The following SEC24C variants were observed in gnomAD, a reference collection of about 807,000 sequenced individuals.
SEC24C encodes the protein SEC24 homolog C, COPII component, also known as protein transport protein Sec24C.
A neutral mutation model predicts 117.0 loss-of-function variants in SEC24C; 22 were observed. That is an observed-to-expected ratio of 0.19 (90% CI 0.13 to 0.27). SEC24C has a LOEUF of 0.27. Ranked by LOEUF, SEC24C falls within the 10% of genes least tolerant of loss-of-function variation. The pLI is 1.00. For missense variants in SEC24C, 1,155 were observed against 1,375.1 expected, an observed-to-expected ratio of 0.84 and a Z score of 2.53; for synonymous variants, 506 against 529.4, an observed-to-expected ratio of 0.96 and a Z score of 0.61.
intron 3 of SEC24C, among the ~76,000 whole-genome samples, chr10:73,758,322 AG>A (rs2082743508): frequency 6.6e-6 from 1 of 152,146 alleles, no homozygotes; most frequent in Admixed American, 6.5e-5. Flanking sequence ...CAAAAGTTTG[AG>A]GGGGCTGTGA....
At chr10:73,745,395 C>CTT (rs1270958561) in intron 1 of SEC24C, among the ~76,000 whole-genome samples, 2 of 151,456 alleles carry the variant, frequency 1.3e-5, no homozygotes, top group Admixed American at 6.6e-5. Context: ...TAGTCTTCTG[C>CTT]TTGAGGGATG....
chr10:73,749,062 A>G (rs560059701), intron 2 of SEC24C, among the ~76,000 whole-genome samples: 4 of 152,184 alleles, frequency 2.6e-5, no homozygotes, highest in Admixed American at 2.0e-4. Context: ...GTTTTTAGAT[A>G]AGGTACTGTG....
At chr10:73,765,964 A>G (rs776115491) in intron 10 of SEC24C, 49 bp downstream of exon 10, 6 of 1,587,398 alleles carry the variant, frequency 3.8e-6, no homozygotes, top group Non-Finnish European at 4.3e-6. Context: ...ATAATGAGAC[A>G]GCTGAGAATG....
intron 5 of SEC24C, 97 bp downstream of exon 5, chr10:73,760,483 T>G: frequency 7.0e-7 from 1 of 1,420,208 alleles, no homozygotes; most frequent in Non-Finnish European, 9.4e-7. Context: ...TATTACTTGC[T>G]AAGTGGTGAA....
At chr10:73,760,558 G>A (rs1455403614) in intron 5 of SEC24C, among the ~76,000 whole-genome samples, 155 bp from the exon 6 acceptor site, 1 of 152,084 alleles carries the variant, frequency 6.6e-6, no homozygotes, top group East Asian at 1.9e-4. Context: ...ATTTTTTCTT[G>A]TCGTTCTGAT....
In SEC24C at chr10:73,760,071, T is replaced by C; in HGVS notation, c.535T>C (p.Tyr179His). 6.2e-7 allele frequency: 1 copy of C among 1,612,268 alleles called. No individual in the cohort carries two copies. The highest frequency in any genetic ancestry group is 8.5e-7 in the Non-Finnish European group (1 of 1,178,632). ...ASGSFPNSGL[Y>H]GSYPQGQAPP... Reference sequence around the variant, plus strand: ...AGGAAGTTTCCCTAACTCTGGTCTGTATGGCTCCTATCCTCAGGGCCAGGC... The same window carrying C: ...AGGAAGTTTCCCTAACTCTGGTCTGCATGGCTCCTATCCTCAGGGCCAGGC... The change falls in exon 5 of 23, where the codon TAT (tyrosine) becomes CAT (histidine). Residue 179 changes from tyrosine to histidine, a missense_variant. Around this residue, in one of 2 missense-constraint regions of SEC24C, gnomAD observed 396 missense variants for 382.8 expected, o/e 1.03. Coordinates refer to ENST00000345254, the MANE Select transcript of SEC24C (RefSeq NM_198597.3).
At chr10:73,749,508 T>C (rs1268759522) in intron 2 of SEC24C, among the ~76,000 whole-genome samples, 1 of 152,118 alleles carries the variant, frequency 6.6e-6, no homozygotes, top group East Asian at 1.9e-4. Context: ...CTAGGTTCAG[T>C]GTTTGGCTTT....
chr10:73,770,025 A>C lies in SEC24C; in HGVS notation c.2862+10A>C. 6.2e-7 allele frequency: 1 copy of C among 1,613,476 alleles called. No homozygotes were observed. The highest frequency in any genetic ancestry group is 8.5e-7 in the Non-Finnish European group (1 of 1,179,562). ...TCGGCTCTTACCTTTGGTGCGATTG[A>C]GGGTTGGAGTATGAGATCTTGCACG... On this transcript the variant is annotated intron_variant, in intron 20 of 22. Coordinates refer to ENST00000345254, the MANE Select transcript of SEC24C (RefSeq NM_198597.3).
At chr10:73,747,947 C>T (rs908668790) in intron 2 of SEC24C, among the ~76,000 whole-genome samples, 4 of 151,948 alleles carry the variant, frequency 2.6e-5, no homozygotes, top group African/African-American at 4.8e-5. Context: ...GCGTGAGCCA[C>T]CACACCTGGC....
rs769883677 is a variant in SEC24C, at chr10:73,770,011, C to T, written c.2858C>T (p.Pro953Leu). Residue 953 changes from proline (P) to leucine (L), a missense_variant, in exon 20 of 23, where the codon CCT becomes CTT. This residue lies in a region of SEC24C where 759 missense variants were observed against 992.3 expected (regional missense o/e 0.76). Transcript: ENST00000345254. ...GTCTTCTTCTACCCTCGGCTCTTACCTTTGGTGCGATTGAGGGTTGGAGTA... is the reference window on the plus strand; with the variant it reads ...GTCTTCTTCTACCCTCGGCTCTTACTTTTGGTGCGATTGAGGGTTGGAGTA... ...TNVFFYPRLLPLTKSPVESTT... is the reference protein window; with the variant it reads ...TNVFFYPRLLLLTKSPVESTT... 6.8e-5 allele frequency: 109 copies of T among 1,613,876 alleles called. No individual in the cohort carries two copies. The Middle Eastern group carries it at 2.3e-3, about 34-fold the overall frequency.
In SEC24C at chr10:73,764,590, C is replaced by G. The variant is rs562673427; in HGVS notation, c.1227+607C>G. The stretch of plus-strand genomic sequence containing the variant: ...GGAGAAGACAGCTGAATGTAGGAAC[C>G]TCTCGTATCATGGTCATCTCCAGAT... On this transcript the variant is annotated intron_variant, in intron 8 of 22. Transcript: ENST00000345254. Among the ~76,000 whole-genome samples the G allele has an allele frequency of 3.3e-5, 5 of 152,106 alleles. No homozygotes were observed. The South Asian group carries it at 1.0e-3, about 32-fold the overall frequency.
Position 73,751,180 on chromosome 10 carries a change from C to T in SEC24C, c.245C>T (p.Ala82Val), listed in dbSNP as rs2082637502. The T allele has an allele frequency of 1.2e-6, 2 of 1,614,194 alleles. No homozygotes were observed. The highest frequency in any genetic ancestry group is 1.7e-6 in the Non-Finnish European group (2 of 1,180,012). Residue 82 changes from alanine to valine, a missense_variant, in exon 3 of 23, where the codon GCA becomes GTA. This residue lies in a region of SEC24C where 396 missense variants were observed against 382.8 expected (regional missense o/e 1.03). Transcript: ENST00000345254. The stretch of plus-strand genomic sequence containing the variant: ...GCACAGGCTCCTTGTGGCCAGGCTG[C>T]ATATGGCCAGTTTGGCCAAGGAGAT... Reference protein sequence around the residue: ...STAQAPCGQAAYGQFGQGDVQ... With the variant: ...STAQAPCGQAVYGQFGQGDVQ...
rs1285962507 is a variant in SEC24C, at chr10:73,766,484, T to C, written c.1742T>C (p.Val581Ala). ...GTGTCTGATGTGGCTGACATGTTTG[T>C]GCCACTGCTGGATGGCTTCCTGGTC... The part of the protein sequence containing the change: ...MVVSDVADMF[V>A]PLLDGFLVNV... The change falls in exon 12 of 23, where the codon GTG becomes GCG. Residue 581 changes from valine (V) to alanine (A), a missense_variant. Val to Ala is a moderately conservative substitution (Grantham distance 64, BLOSUM62 0). Around this residue, in one of 2 missense-constraint regions of SEC24C, gnomAD observed 759 missense variants for 992.3 expected, o/e 0.76. Coordinates refer to ENST00000345254, the MANE Select transcript of SEC24C (RefSeq NM_198597.3). 1 of 1,613,888 alleles carries C rather than the reference T, an allele frequency of 6.2e-7. No individual in the cohort carries two copies. The highest frequency in any genetic ancestry group is 1.1e-5 in the South Asian group (1 of 91,072).
At chr10:73,747,911 G>A (rs908209238) in intron 2 of SEC24C, among the ~76,000 whole-genome samples, 2 of 151,512 alleles carry the variant, frequency 1.3e-5, no homozygotes, top group African/African-American at 4.8e-5. Context: ...CACCCACCTC[G>A]GACTCCCAAA....
chr10:73,768,691 C>T, intron 15 of SEC24C, 119 bp from the exon 16 acceptor site: 1 of 854,476 alleles, frequency 1.2e-6, no homozygotes, highest in East Asian at 2.6e-5. Flanking sequence ...CATTATCATC[C>T]TCACTGTTAT....
At chr10:73,753,084 C>A (rs1191170587) in intron 3 of SEC24C, among the ~76,000 whole-genome samples, 1 of 152,074 alleles carries the variant, frequency 6.6e-6, no homozygotes, top group African/African-American at 2.4e-5. Context: ...GAGTCCTGCC[C>A]TGTTGCCCAT....
chr10:73,758,967 G>A (rs762933949), intron 3 of SEC24C, among the ~76,000 whole-genome samples: 4 of 152,056 alleles, frequency 2.6e-5, no homozygotes, highest in Non-Finnish European at 4.4e-5. Flanking sequence ...AGACTGAGGC[G>A]GGCAGATTCG....
chr10:73,748,040 C>A (rs1346552908), intron 2 of SEC24C, among the ~76,000 whole-genome samples: 1 of 152,212 alleles, frequency 6.6e-6, no homozygotes, highest in East Asian at 1.9e-4. Context: ...AATGATCCAC[C>A]AGCCTTGGCC....
At position 73,766,625 on chromosome 10, in the gene SEC24C, A is replaced by G; in HGVS notation, c.1799+84A>G. 2.0e-6 allele frequency: 3 copies of G among 1,484,554 alleles called. No homozygotes were observed. The South Asian group carries it at 3.6e-5, about 18-fold the overall frequency. The allele number at this position is 1,484,554 out of a possible 1,614,324, so 92.0% of individuals were successfully genotyped here. A position where few individuals can be genotyped will look rare whatever the true frequency, so the allele number is the denominator to read the frequency against. On this transcript the variant is annotated intron_variant, in intron 12 of 22. Transcript: ENST00000345254. ...TCATGGAGTTGAACAGAGGTATTGG[A>G]CAGTAGATGGAAAGGGGTTGTGGCC... is the stretch of plus-strand genomic sequence containing the variant.
Sources: allele counts gnomAD v4.1 joint callset (sites outside exome capture counted in the v4.1 genomes callset), GRCh38; gene constraint gnomAD v4.1.1; regional missense constraint gnomAD v4.1.1; transcripts MANE v1.5; gene names NCBI Gene and HGNC (gene_info 2026-07-23, HGNC 2026-07-21).